The following IARS1 variants were observed in gnomAD, a reference collection of about 807,000 sequenced individuals.
IARS1 encodes isoleucine--tRNA ligase, cytoplasmic.
Under a neutral mutation model 168.2 loss-of-function variants are expected in IARS1, and 124 were observed. That is an observed-to-expected ratio of 0.74 (90% CI 0.64 to 0.86). The LOEUF is 0.86. IARS1 is among the 40% of genes least tolerant of loss of function. IARS1 has a pLI of 0.00. For missense variants in IARS1, 1,452 were observed against 1,515.8 expected (o/e 0.96, Z 0.70); for synonymous variants, 532 against 529.4 (o/e 1.00, Z -0.07).
chr9:92,290,119 T>C (rs961463866), intron 1 of IARS1, among the ~76,000 whole-genome samples: 10 of 152,214 alleles, frequency 6.6e-5, no homozygotes, highest in Admixed American at 6.5e-5. Flanking sequence ...ATTTAACTTT[T>C]TGAGAAAATG....
At chr9:92,257,685 G>A (rs1830917253) in intron 19 of IARS1, among the ~76,000 whole-genome samples, 1 of 152,196 alleles carries the variant, frequency 6.6e-6, no homozygotes, top group Non-Finnish European at 1.5e-5. Flanking sequence ...CCCAAGGGGA[G>A]CAGAAGTAAT....
chr9:92,238,025 C>A (rs1229507786), intron 30 of IARS1, among the ~76,000 whole-genome samples: 2 of 152,110 alleles, frequency 1.3e-5, no homozygotes, highest in African/African-American at 4.8e-5. Flanking sequence ...CCTGTCTCAG[C>A]CTCCTGAGTA....
At chr9:92,276,610 C>A (rs1055948154) in intron 9 of IARS1, among the ~76,000 whole-genome samples, 8 of 152,146 alleles carry the variant, frequency 5.3e-5, no homozygotes, top group Admixed American at 3.9e-4. Flanking sequence ...AGGGCCCAAA[C>A]CACAGAGGTC....
chr9:92,224,481 G>A (rs1370431431), intron 31 of IARS1, among the ~76,000 whole-genome samples: 5 of 152,192 alleles, frequency 3.3e-5, no homozygotes, highest in Non-Finnish European at 2.9e-5. Context: ...TGGTGACAAG[G>A]AAGTTAGGGC....
At chr9:92,250,028 C>T in intron 24 of IARS1, 87 bp from the exon 25 acceptor site, 2 of 924,500 alleles carry the variant, frequency 2.2e-6, no homozygotes, top group East Asian at 2.4e-5. Flanking sequence ...TTATTTGAAT[C>T]TCAAGCTCTA....
rs763557376 is a variant in IARS1 at position 92,265,466 on chromosome 9, ATT to A, written c.1505+12_1505+13del. 6.2e-7 allele frequency: 1 copy of A among 1,610,674 alleles called. No individual in the cohort carries two copies. Among genetic ancestry groups the A allele is most frequent in the Non-Finnish European group, 8.5e-7 (1 of 1,177,080 alleles). ...ATCGTAAAACTGAAGTGAATCGAAC[ATT>A]TAGAAACTGACCTCTCTCTGTGGAG... On this transcript the variant is annotated intron_variant, in intron 15 of 33. Coordinates refer to ENST00000443024, the MANE Select transcript of IARS1 (RefSeq NM_002161.6).
intron 13 of IARS1, among the ~76,000 whole-genome samples, chr9:92,268,512 C>A (rs1478995039): frequency 6.6e-6 from 1 of 152,188 alleles, no homozygotes; most frequent in Non-Finnish European, 1.5e-5. Flanking sequence ...TAGATTACCC[C>A]ACAGCACACA....
chr9:92,257,809 A>G (rs984682966), intron 19 of IARS1, among the ~76,000 whole-genome samples: 1 of 152,168 alleles, frequency 6.6e-6, no homozygotes, highest in Non-Finnish European at 1.5e-5. Context: ...CTTACAAGCA[A>G]TTTTACTTGT....
Position 92,265,484 on chromosome 9 carries a change from C to T in IARS1, c.1501G>A (p.Glu501Lys). The stretch of plus-strand genomic sequence containing the variant: ...ATCGAACATTTAGAAACTGACCTCT[C>T]TCTGTGGAGATCTGAGATCTTTGCT... ...SGAKISDLHR[E>K]SVDHLTIPSR... Residue 501 changes from glutamate (E) to lysine (K), a missense_variant, in exon 15 of 34, where the codon GAG (glutamate) becomes AAG (lysine). Transcript: ENST00000443024. 6.2e-7 allele frequency: 1 copy of T among 1,613,540 alleles called. No individual in the cohort carries two copies. The highest frequency in any genetic ancestry group is 8.5e-7 in the Non-Finnish European group (1 of 1,179,560).
intron 7 of IARS1, 107 bp downstream of exon 7, chr9:92,280,639 T>C: frequency 1.6e-6 from 1 of 629,186 alleles, no homozygotes; most frequent in African/African-American, 1.9e-5. Flanking sequence ...CAGATTGTTT[T>C]CAAATAATTC....
At position 92,229,130 on chromosome 9, in the gene IARS1, A is replaced by G. The variant is rs1425724710; in HGVS notation, c.3284-4T>C. On this transcript the variant is annotated splice_polypyrimidine_tract_variant and splice_region_variant and intron_variant, in intron 30 of 33. Coordinates refer to ENST00000443024, the MANE Select transcript of IARS1 (RefSeq NM_002161.6). Reference sequence around the variant, plus strand: ...TTTTCCAGGAGCAATACTCCACCTAAAAAGCCACAAAAATAACACCTCAAT... The same window carrying G: ...TTTTCCAGGAGCAATACTCCACCTAGAAAGCCACAAAAATAACACCTCAAT... 1 of 1,610,268 alleles carries G rather than the reference A, an allele frequency of 6.2e-7. No homozygotes were observed. Among genetic ancestry groups the G allele is most frequent in the Admixed American group, 1.7e-5 (1 of 59,204 alleles).
chr9:92,259,218 C>T (rs1363059262), intron 18 of IARS1, among the ~76,000 whole-genome samples: 2 of 152,082 alleles, frequency 1.3e-5, no homozygotes, highest in Non-Finnish European at 2.9e-5. Flanking sequence ...AATCTGACAC[C>T]AAAATATGGC....
At chr9:92,223,910 T>C (rs1298084871) in intron 31 of IARS1, among the ~76,000 whole-genome samples, 2 of 152,228 alleles carry the variant, frequency 1.3e-5, no homozygotes, top group South Asian at 2.1e-4. Context: ...ACATATGCAG[T>C]GTAATTTCAT....
At chr9:92,229,358 TACACAC>T (rs113517739) in intron 30 of IARS1, among the ~76,000 whole-genome samples, 93 of 144,908 alleles carry the variant, frequency 6.4e-4, no homozygotes, top group Non-Finnish European at 8.3e-4. Flanking sequence ...ATATATACAC[TACACAC>T]ACACACACAC....
intron 21 of IARS1, chr9:92,252,264 T>C: frequency 4.7e-6 from 2 of 429,536 alleles, no homozygotes; most frequent in South Asian, 3.6e-5. Context: ...AGATTTATGT[T>C]AAAAAAGTAT....
At chr9:92,251,768 C>G (rs1366739258) in intron 22 of IARS1, 40 bp downstream of exon 22, 1 of 1,470,180 alleles carries the variant, frequency 6.8e-7, no homozygotes. Flanking sequence ...GAAGGCAGCC[C>G]ATAGGCCAAA....
Position 92,260,220 on chromosome 9 carries a change from A to AT in IARS1, c.1801dup (p.Met601AsnfsTer21), listed in dbSNP as rs1313099071. 1 of 1,613,864 alleles carries AT rather than the reference A, an allele frequency of 6.2e-7. No homozygotes were observed. Among genetic ancestry groups the AT allele is most frequent in the East Asian group, 2.2e-5 (1 of 44,878 alleles). On this transcript the variant is annotated frameshift_variant, in exon 18 of 34. Transcript: ENST00000443024. LOFTEE classifies it high-confidence loss of function. ...TGGATAATTCTTTTTCCGTTTGCTC[A>AT]TTTTTTGGCCATCACTTGTAAAACA... is the stretch of plus-strand genomic sequence containing the variant.
chr9:92,253,889 G>A, intron 20 of IARS1: 1 of 468,110 alleles, frequency 2.1e-6, no homozygotes, highest in Non-Finnish European at 4.3e-6. Flanking sequence ...ATGCTAAGAG[G>A]CACAGCATAG....
At chr9:92,238,044 T>A (rs913730884) in intron 30 of IARS1, among the ~76,000 whole-genome samples, 1 of 152,152 alleles carries the variant, frequency 6.6e-6, no homozygotes, top group African/African-American at 2.4e-5. Context: ...TAGCTGGGAC[T>A]ATAGGCGCCC....
Sources: allele counts gnomAD v4.1 joint callset (sites outside exome capture counted in the v4.1 genomes callset), GRCh38; gene constraint gnomAD v4.1.1; transcripts MANE v1.5; gene names NCBI Gene and HGNC (gene_info 2026-07-23, HGNC 2026-07-21).